Variants in INPP5K observed in about 807,000 individuals in gnomAD.
The protein encoded by INPP5K is inositol polyphosphate-5-phosphatase K, also known as inositol polyphosphate 5-phosphatase K.
In INPP5K, 35 loss-of-function variants were observed where a neutral mutation model predicts 53.5. The observed-to-expected ratio is 0.65, with a 90% confidence interval of 0.50 to 0.87. The LOEUF (loss-of-function observed/expected upper bound fraction) is 0.87. INPP5K is among the 40% of genes least tolerant of loss of function. The probability of loss-of-function intolerance (pLI) is 0.00; values close to 1 mark genes in which losing one functional copy is unlikely to be tolerated. For missense variants in INPP5K, 550 were observed against 586.2 expected (o/e 0.94, Z 0.64); for synonymous variants, 253 against 232.8 (o/e 1.09, Z -0.79).
chr17:1,503,412 C>T (rs1204267143), intron 7 of INPP5K, among the ~76,000 whole-genome samples: 1 of 152,064 alleles, frequency 6.6e-6, no homozygotes, highest in Non-Finnish European at 1.5e-5. Flanking sequence ...TCTCGATCTC[C>T]TGACCTCGTG....
chr17:1,508,789 C>CG (rs370854717), intron 5 of INPP5K, among the ~76,000 whole-genome samples: 12,080 of 76,044 alleles, frequency 0.16, 989 homozygotes, highest in East Asian at 0.24. Flanking sequence ...TGGCGGTCAG[C>CG]TGGGGCAGAG....
At position 1,511,699 on chromosome 17, in the gene INPP5K, C is replaced by T. The variant is rs76145376; in HGVS notation, c.261+1754G>A. ...CACACGTGCCAACAGGGATGGAGGA[C>T]GGGCTGGACCATGAGGGGCTGACTC... On this transcript the variant is annotated intron_variant, in intron 3 of 11. Coordinates refer to ENST00000421807, the MANE Select transcript of INPP5K (RefSeq NM_016532.4). Among the ~76,000 whole-genome samples the T allele has an allele frequency of 2.4e-4, 36 of 152,256 alleles. No individual in the cohort carries two copies. In the East Asian group the frequency reaches 5.2e-3, roughly 22 times the overall value.
At chr17:1,515,767 A>G in intron 1 of INPP5K, 2 of 617,250 alleles carry the variant, frequency 3.2e-6, no homozygotes, top group Non-Finnish European at 4.0e-6. Flanking sequence ...TACAGAAACC[A>G]CCTTCCCAGG....
At chr17:1,505,696 T>C (rs1598378697) in intron 7 of INPP5K, among the ~76,000 whole-genome samples, 1 of 152,158 alleles carries the variant, frequency 6.6e-6, no homozygotes, top group Non-Finnish European at 1.5e-5. Context: ...CAAGCTTGAG[T>C]TCTACCTCTT....
Position 1,509,750 on chromosome 17 carries a change from T to C in INPP5K, c.311A>G (p.Tyr104Cys). Reference sequence around the variant, plus strand: ...AATCTGGATATAGGGCAAATGCTGATACTTGGCAAAGACCAGTAAGAGGAT... The same window carrying C: ...AATCTGGATATAGGGCAAATGCTGACACTTGGCAAAGACCAGTAAGAGGAT... ...QGILLLVFAK[Y>C]QHLPYIQILS... Residue 104 changes from tyrosine (Y) to cysteine (C), a missense_variant, in exon 4 of 12, where the codon TAT becomes TGT. Transcript: ENST00000421807. 1 of 1,613,836 alleles carries C rather than the reference T, an allele frequency of 6.2e-7. No individual in the cohort carries two copies. Among genetic ancestry groups the C allele is most frequent in the Non-Finnish European group, 8.5e-7 (1 of 1,179,804 alleles).
intron 7 of INPP5K, among the ~76,000 whole-genome samples, chr17:1,504,335 C>T (rs1436832597): frequency 6.6e-6 from 1 of 152,200 alleles, no homozygotes; most frequent in African/African-American, 2.4e-5. Flanking sequence ...GCCGGGAAGG[C>T]GTCCTAGGAG....
At chr17:1,511,679 G>A (rs1052513314) in intron 3 of INPP5K, among the ~76,000 whole-genome samples, 12 of 152,262 alleles carry the variant, frequency 7.9e-5, no homozygotes, top group Middle Eastern at 6.8e-3. Flanking sequence ...CCAAGCACAC[G>A]TGCCAACAGG....
At position 1,496,122 on chromosome 17, in the gene INPP5K, A is replaced by G; in HGVS notation, c.1228T>C (p.Phe410Leu). ...CTGTTGCTGTAGTAACAGAGGAGAA[A>G]CTCATCTTCAGTGGTAGGGATATTG... Reference protein sequence around the residue: ...ISNIPTTEDEFLLCYYSNSLR... With the variant: ...ISNIPTTEDELLLCYYSNSLR... Residue 410 changes from phenylalanine to leucine, a missense_variant, in exon 11 of 12, where the codon TTT becomes CTT. Transcript: ENST00000421807. The G allele has an allele frequency of 6.2e-7, 1 of 1,613,496 alleles. No individual in the cohort carries two copies. Among genetic ancestry groups the G allele is most frequent in the Non-Finnish European group, 8.5e-7 (1 of 1,179,482 alleles).
intron 7 of INPP5K, among the ~76,000 whole-genome samples, chr17:1,505,649 C>G (rs1167581341): frequency 6.6e-6 from 1 of 152,176 alleles, no homozygotes; most frequent in Non-Finnish European, 1.5e-5. Context: ...CTTTCCTTGA[C>G]AAGGATATTT....
At chr17:1,495,908 G>A in intron 11 of INPP5K, 29 bp from the exon 12 acceptor site, 1 of 1,588,352 alleles carries the variant, frequency 6.3e-7, no homozygotes, top group South Asian at 1.1e-5. Context: ...TGGTGGAAAT[G>A]GAGAGCGGGT....
chr17:1,507,916 T>G (rs1355561638), intron 6 of INPP5K, among the ~76,000 whole-genome samples, 199 bp downstream of exon 6: 1 of 152,000 alleles, frequency 6.6e-6, no homozygotes, highest in Non-Finnish European at 1.5e-5. Flanking sequence ...ACATCCAGGG[T>G]CTGTTACCCT....
At chr17:1,508,071 C>T (rs372228512) in intron 6 of INPP5K, 44 bp downstream of exon 6, 74 of 1,350,528 alleles carry the variant, frequency 5.5e-5, no homozygotes, top group Non-Finnish European at 7.0e-5. Flanking sequence ...TGGCCCCCAC[C>T]GTGGGCTCAG....
chr17:1,496,346 C>T lies in INPP5K; in HGVS notation c.1158G>A (p.Lys386=). The T allele has an allele frequency of 6.4e-7, 1 of 1,563,448 alleles. No homozygotes were observed. Among genetic ancestry groups the T allele is most frequent in the Non-Finnish European group, 8.7e-7 (1 of 1,153,362 alleles). Residue 386 remains lysine (K), a synonymous_variant, in exon 10 of 12, where the codon AAG becomes AAA. Transcript: ENST00000421807. ...GGTTCAGGTTGTCGCTGCAGGAGAC[C>T]TTGCTGTCCCCGACCCAGGCATAGG... is the stretch of plus-strand genomic sequence containing the variant. ...YVSYAWVGDS[K]VSCSDNLNQV... is the part of the protein sequence containing the mutation.
At position 1,495,669 on chromosome 17, in the gene INPP5K, T is replaced by C. The variant is rs2074810073; in HGVS notation, c.*154A>G. ...AGAGATGAGTAGTGGAGAGAGCAAA[T>C]GAGCCTGGTTAGAGCTCACTCTGGG... On this transcript the variant is annotated 3_prime_UTR_variant, in exon 12 of 12. Transcript: ENST00000421807. The C allele has an allele frequency of 1.6e-6, 1 of 615,762 alleles. No homozygotes were observed. Among genetic ancestry groups the C allele is most frequent in the Admixed American group, 3.0e-5 (1 of 33,678 alleles). 38.1% of individuals were successfully genotyped at this position (615,762 alleles called of 1,614,324 possible). A position where few individuals can be genotyped will look rare whatever the true frequency, so the allele number is the denominator to read the frequency against.
intron 1 of INPP5K, chr17:1,516,122 A>C: frequency 8.0e-7 from 1 of 1,254,116 alleles, no homozygotes; most frequent in South Asian, 2.0e-5. Flanking sequence ...GTATGTGCTG[A>C]TGAAAAGTAG....
chr17:1,512,418 A>G (rs1265004281), intron 3 of INPP5K, among the ~76,000 whole-genome samples: 1 of 152,092 alleles, frequency 6.6e-6, no homozygotes. Context: ...CCTCAGCAGG[A>G]GTTCTAAACC....
At chr17:1,513,628 A>G in intron 2 of INPP5K, 67 bp from the exon 3 acceptor site, 3 of 1,371,046 alleles carry the variant, frequency 2.2e-6, no homozygotes, top group Non-Finnish European at 3.1e-6. Context: ...CAGATATTTG[A>G]TACCATCTTC....
intron 3 of INPP5K, among the ~76,000 whole-genome samples, chr17:1,511,250 G>C (rs1240969087): frequency 6.6e-6 from 1 of 151,938 alleles, no homozygotes; most frequent in East Asian, 1.9e-4. Flanking sequence ...GAGGAACTAA[G>C]ATTTAGGGAG....
chr17:1,498,998 G>A (rs913286713), intron 7 of INPP5K, among the ~76,000 whole-genome samples: 1 of 152,172 alleles, frequency 6.6e-6, no homozygotes, highest in Non-Finnish European at 1.5e-5. Context: ...CCAGGATTCA[G>A]GGCCAGCCAG....
Sources: allele counts gnomAD v4.1 joint callset (sites outside exome capture counted in the v4.1 genomes callset), GRCh38; gene constraint gnomAD v4.1.1; transcripts MANE v1.5; gene names NCBI Gene and HGNC (gene_info 2026-07-23, HGNC 2026-07-21).